OSBPL9: variants seen among roughly 807,000 people sequenced by gnomAD.
OSBPL9 encodes oxysterol-binding protein-related protein 9.
In OSBPL9, 40 loss-of-function variants were observed where a neutral mutation model predicts 106.6. That is an observed-to-expected ratio of 0.38 (90% CI 0.29 to 0.49). The LOEUF is 0.49. Ranked by LOEUF, OSBPL9 falls within the 20% of genes least tolerant of loss-of-function variation. The pLI, the probability that OSBPL9 is intolerant of heterozygous loss-of-function variation, is 0.97. For missense variants in OSBPL9, 609 were observed against 887.2 expected (o/e 0.69, Z 3.98); for synonymous variants, 269 against 295.4 (o/e 0.91, Z 0.92).
At chr1:51,692,319 A>G (rs1012531865) in intron 3 of OSBPL9, among the ~76,000 whole-genome samples, 2 of 152,224 alleles carry the variant, frequency 1.3e-5, no homozygotes, top group Non-Finnish European at 2.9e-5. Flanking sequence ...TCTGAAATAA[A>G]TAAGTATAAA....
chr1:51,728,335 G>T (rs1187641909), intron 4 of OSBPL9, among the ~76,000 whole-genome samples: 1 of 152,218 alleles, frequency 6.6e-6, no homozygotes, highest in African/African-American at 2.4e-5. Flanking sequence ...GATTCAAGAA[G>T]ACTTTAGTAA....
At chr1:51,739,832 C>G (rs1368126982) in intron 4 of OSBPL9, among the ~76,000 whole-genome samples, 1 of 151,926 alleles carries the variant, frequency 6.6e-6, no homozygotes, top group African/African-American at 2.4e-5. Context: ...ATTAGTGTGC[C>G]TCACATAAAA....
intron 9 of OSBPL9, among the ~76,000 whole-genome samples, chr1:51,759,174 CAGTTAAAGTAT>C (rs778823804): frequency 3.2e-4 from 48 of 151,080 alleles, no homozygotes; most frequent in Non-Finnish European, 6.2e-4. Context: ...CTTCATTTTT[CAGTTAAAGTAT>C]TTGTGGCAGA....
chr1:51,784,232 C>T, intron 18 of OSBPL9, 32 bp from the exon 19 acceptor site: 1 of 1,602,430 alleles, frequency 6.2e-7, no homozygotes, highest in Non-Finnish European at 8.6e-7. Flanking sequence ...CTTGGCACTA[C>T]TCATCAGAGA....
At chr1:51,521,368 C>T in the OSBPL9 span, among the ~76,000 whole-genome samples, 1 of 152,152 alleles carries the variant, frequency 6.6e-6, no homozygotes, top group Non-Finnish European at 1.5e-5. Flanking sequence ...TCCTCCAAAC[C>T]ATATGAGATG....
chr1:51,720,388 T>G (rs1048229141), intron 4 of OSBPL9, among the ~76,000 whole-genome samples: 14 of 151,354 alleles, frequency 9.2e-5, no homozygotes, highest in Non-Finnish European at 2.1e-4. Context: ...TGCAATGGTG[T>G]GATCTCGGCT....
At chr1:51,752,897 AG>A (rs1487435147) in intron 8 of OSBPL9, among the ~76,000 whole-genome samples, 2 of 152,172 alleles carry the variant, frequency 1.3e-5, no homozygotes, top group Admixed American at 6.5e-5. Flanking sequence ...CTTTGGGGTT[AG>A]GGCTTCAACA....
the OSBPL9 span, among the ~76,000 whole-genome samples, chr1:51,558,203 C>G: frequency 2.6e-5 from 4 of 151,932 alleles, no homozygotes; most frequent in Non-Finnish European, 4.4e-5. Context: ...TGGTGTGAAC[C>G]CGGGAGGCGG....
the OSBPL9 span, among the ~76,000 whole-genome samples, chr1:51,568,053 A>G: frequency 6.6e-6 from 1 of 152,252 alleles, no homozygotes; most frequent in Non-Finnish European, 1.5e-5. Context: ...AACATAAAGT[A>G]TAGTGCTATG....
At chr1:51,570,015 C>A in the OSBPL9 span, among the ~76,000 whole-genome samples, 1 of 152,158 alleles carries the variant, frequency 6.6e-6, no homozygotes, top group Non-Finnish European at 1.5e-5. Flanking sequence ...TTTTAAGCCA[C>A]GTTTGTCTGA....
rs569979396 is a variant in OSBPL9 at position 51,778,044 on chromosome 1, G to C, written c.1256+1126G>C. On this transcript the variant is annotated intron_variant, in intron 15 of 23. Coordinates refer to ENST00000428468, the MANE Select transcript of OSBPL9 (RefSeq NM_024586.6). The stretch of plus-strand genomic sequence containing the variant: ...TTGGTGGTGTGCACCTGTAGTTCCA[G>C]CTACTTGGGAGGCTAAGGCAGGAGG... 4.6e-5 allele frequency among the ~76,000 whole-genome samples: 7 copies of C among 152,206 alleles called. 1 individual carries two copies. The South Asian group carries it at 8.3e-4, about 18-fold the overall frequency.
intron 11 of OSBPL9, among the ~76,000 whole-genome samples, chr1:51,763,011 G>GT (rs1671849369): frequency 6.6e-6 from 1 of 151,992 alleles, no homozygotes; most frequent in Non-Finnish European, 1.5e-5. Context: ...TAAACGTTTT[G>GT]TTTTTTGTTT....
chr1:51,697,638 C>T (rs1363490202), intron 3 of OSBPL9, among the ~76,000 whole-genome samples: 3 of 151,148 alleles, frequency 2.0e-5, no homozygotes, highest in African/African-American at 7.3e-5. Flanking sequence ...GAAAGTTGTC[C>T]TAAAAGCTAC....
At chr1:51,740,126 C>T in intron 4 of OSBPL9, 1 of 1,549,018 alleles carries the variant, frequency 6.5e-7, no homozygotes, top group Non-Finnish European at 8.7e-7. Flanking sequence ...TCTCTCTTTT[C>T]CTTACTTTTA....
At chr1:51,556,883 A>T in the OSBPL9 span, among the ~76,000 whole-genome samples, 2 of 150,846 alleles carry the variant, frequency 1.3e-5, no homozygotes, top group Non-Finnish European at 3.0e-5. Flanking sequence ...AATGAATAAG[A>T]TCTAGTATTT....
chr1:51,717,506 T>C (rs1200597803), intron 4 of OSBPL9, among the ~76,000 whole-genome samples: 7 of 152,210 alleles, frequency 4.6e-5, no homozygotes, highest in Non-Finnish European at 1.0e-4. Flanking sequence ...CTTGTTTTGC[T>C]CATCCCATTT....
chr1:51,769,733 G>C (rs1436903192), intron 12 of OSBPL9, among the ~76,000 whole-genome samples: 2 of 152,074 alleles, frequency 1.3e-5, no homozygotes, highest in Non-Finnish European at 2.9e-5. Context: ...ATTATGAAAT[G>C]GCTGAAAATT....
intron 3 of OSBPL9, among the ~76,000 whole-genome samples, chr1:51,708,365 C>A (rs1659066371): frequency 6.7e-6 from 1 of 149,466 alleles, no homozygotes; most frequent in African/African-American, 2.5e-5. Flanking sequence ...GTTTTAGGGT[C>A]CAATATTTGG....
chr1:51,672,922 A>G (rs1013192841), intron 3 of OSBPL9, among the ~76,000 whole-genome samples: 5 of 152,208 alleles, frequency 3.3e-5, no homozygotes, highest in Admixed American at 2.0e-4. Flanking sequence ...GGAGATGTCA[A>G]GTAGGCAGTT....
Sources: gnomAD v4.1 joint callset for allele counts (sites outside exome capture counted in the v4.1 genomes callset) on GRCh38, gnomAD v4.1.1 for gene constraint, MANE v1.5 for transcripts, NCBI Gene and HGNC (gene_info 2026-07-23, HGNC 2026-07-21) for gene names.